The following CEP112 variants were observed in gnomAD, a reference collection of about 807,000 sequenced individuals.
CEP112 encodes centrosomal protein 112.
Under a neutral mutation model 153.0 loss-of-function variants are expected in CEP112, and 127 were observed. The ratio of observed to expected loss-of-function variants is 0.83; its 90% confidence interval spans 0.72 to 0.96. CEP112 has a LOEUF of 0.96. CEP112 is among the 40% of genes least tolerant of loss of function. The probability of loss-of-function intolerance (pLI) is 0.00; values close to 1 mark genes in which losing one functional copy is unlikely to be tolerated. For synonymous variants in CEP112, 358 were observed against 374.4 expected (o/e 0.96, Z 0.51); for missense variants, 1,089 against 1,101.2 (o/e 0.99, Z 0.16).
intron 21 of CEP112, among the ~76,000 whole-genome samples, chr17:65,828,117 A>G (rs1310632791): frequency 6.6e-6 from 1 of 152,242 alleles, no homozygotes; most frequent in Non-Finnish European, 1.5e-5. Flanking sequence ...GCTCACTGCT[A>G]TATCCTAAGT....
intron 4 of CEP112, among the ~76,000 whole-genome samples, chr17:66,141,432 CAT>C (rs2070695882): frequency 6.6e-6 from 1 of 151,976 alleles, no homozygotes. Flanking sequence ...AAATACACAA[CAT>C]GAGATCTACT....
chr17:65,958,561 G>A lies in CEP112; in HGVS notation c.1872+2902C>T, dbSNP rs573890912. ...AATGTTGGAGCAAAGTTAGGGCTGA[G>A]CCTGGGTGCTGTCGCATGCCAGCCC... On this transcript the variant is annotated intron_variant, in intron 18 of 26. Coordinates refer to ENST00000535342, the MANE Select transcript of CEP112 (RefSeq NM_001199165.4). Among the ~76,000 whole-genome samples the A allele has an allele frequency of 1.1e-4, 5 of 45,982 alleles. No homozygotes were observed. The East Asian group carries it at 0.045, about 418-fold the overall frequency. The allele number at this position is 45,982 out of a possible 152,430, so 30.2% of individuals were successfully genotyped here. A position where few individuals can be genotyped will look rare whatever the true frequency, so the allele number is the denominator to read the frequency against.
Position 65,879,005 on chromosome 17 carries a change from A to G in CEP112, c.2163+23147T>C, listed in dbSNP as rs147725287. Among the ~76,000 whole-genome samples the G allele has an allele frequency of 1.4e-4, 22 of 152,308 alleles. No individual in the cohort carries two copies. The East Asian group carries it at 4.1e-3, about 28-fold the overall frequency. On this transcript the variant is annotated intron_variant, in intron 20 of 26. Coordinates refer to ENST00000535342, the MANE Select transcript of CEP112 (RefSeq NM_001199165.4). ...TCTAAATTCCCACTCAGGGAGAGAT[A>G]TATTGGGAGGAGGGACAGAAAAGAA...
intron 24 of CEP112, among the ~76,000 whole-genome samples, chr17:65,663,884 A>C (rs1242285563): frequency 1.3e-5 from 2 of 152,132 alleles, no homozygotes; most frequent in Non-Finnish European, 2.9e-5. Context: ...GTTTCTACCA[A>C]AAATACAAAA....
chr17:65,895,952 T>C (rs2059643905), intron 20 of CEP112, among the ~76,000 whole-genome samples: 1 of 152,116 alleles, frequency 6.6e-6, no homozygotes, highest in South Asian at 2.1e-4. Context: ...TTAAAATCTC[T>C]TCCATATTTA....
intron 21 of CEP112, among the ~76,000 whole-genome samples, chr17:65,784,644 C>A (rs1598575355): frequency 6.6e-6 from 1 of 152,168 alleles, no homozygotes; most frequent in East Asian, 1.9e-4. Context: ...CCATGCCTGG[C>A]AAATTTTTGT....
chr17:66,029,705 A>C (rs2065379991), intron 13 of CEP112, among the ~76,000 whole-genome samples, 164 bp downstream of exon 13: 1 of 53,196 alleles, frequency 1.9e-5, no homozygotes, highest in Non-Finnish European at 4.8e-5. Flanking sequence ...CCTGTCTCTA[A>C]ATAAACAAAC....
At chr17:65,764,065 G>A (rs185442526) in intron 21 of CEP112, among the ~76,000 whole-genome samples, 1 of 152,098 alleles carries the variant, frequency 6.6e-6, no homozygotes, top group Admixed American at 6.6e-5. Context: ...CCCCCTCCTA[G>A]CTCAACCAGG....
At chr17:65,716,502 G>A (rs1041370829) in intron 23 of CEP112, among the ~76,000 whole-genome samples, 1 of 152,096 alleles carries the variant, frequency 6.6e-6, no homozygotes, top group East Asian at 1.9e-4. Flanking sequence ...AAGAGACTGA[G>A]CGGGGAAGGT....
At chr17:66,021,874 A>G (rs1252906710) in intron 16 of CEP112, among the ~76,000 whole-genome samples, 2 of 152,144 alleles carry the variant, frequency 1.3e-5, no homozygotes, top group South Asian at 2.1e-4. Flanking sequence ...AGTACTTCTC[A>G]TGGTTAACAA....
chr17:65,688,810 C>G (rs975459754), intron 24 of CEP112: 1 of 191,374 alleles, frequency 5.2e-6, no homozygotes. Context: ...TCTTGTCACC[C>G]AGGCTGGAGT....
chr17:66,018,996 G>A (rs1487447920), intron 16 of CEP112, among the ~76,000 whole-genome samples: 1 of 152,110 alleles, frequency 6.6e-6, no homozygotes, highest in Non-Finnish European at 1.5e-5. Flanking sequence ...AACAGATGAG[G>A]ACAATTCATC....
chr17:65,996,127 T>C (rs900490882), intron 17 of CEP112, among the ~76,000 whole-genome samples: 4 of 94,692 alleles, frequency 4.2e-5, no homozygotes, highest in African/African-American at 1.6e-4. Context: ...GGGAAAAATA[T>C]ACGTGTGTGT....
chr17:65,649,626 G>A (rs1488671546), intron 24 of CEP112, among the ~76,000 whole-genome samples: 1 of 151,326 alleles, frequency 6.6e-6, no homozygotes, highest in Non-Finnish European at 1.5e-5. Context: ...GTCTGAGGTG[G>A]GAGGGTCACT....
At chr17:66,111,301 T>C (rs977475046) in intron 6 of CEP112, among the ~76,000 whole-genome samples, 10 of 152,172 alleles carry the variant, frequency 6.6e-5, no homozygotes, top group Admixed American at 6.5e-4. Context: ...AGTATGGCCA[T>C]TGCTCAAACA....
chr17:66,164,556 C>CA (rs11317339), intron 4 of CEP112, among the ~76,000 whole-genome samples: 3,641 of 104,496 alleles, frequency 0.035, 85 homozygotes, highest in South Asian at 0.054. Flanking sequence ...AACTCTATCT[C>CA]AAAAAAAAAA....
At chr17:66,114,659 A>G (rs777881968) in intron 6 of CEP112, among the ~76,000 whole-genome samples, 2 of 152,180 alleles carry the variant, frequency 1.3e-5, no homozygotes, top group African/African-American at 2.4e-5. Flanking sequence ...TTTTCCACAG[A>G]AAATTTACAA....
chr17:66,005,547 A>C, intron 17 of CEP112, 143 bp downstream of exon 17: 56 of 987,724 alleles, frequency 5.7e-5, no homozygotes, highest in Non-Finnish European at 7.2e-5. Context: ...TCTTGAAGAT[A>C]GAGATTTGTG....
At chr17:65,961,695 TTTAA>T in intron 17 of CEP112, 97 bp from the exon 18 acceptor site, 1 of 1,155,914 alleles carries the variant, frequency 8.7e-7, no homozygotes, top group Non-Finnish European at 1.2e-6. Context: ...AAATCCAGAT[TTTAA>T]TTTTTTTGAT....
Sources: gnomAD v4.1 joint callset for allele counts (sites outside exome capture counted in the v4.1 genomes callset) on GRCh38, gnomAD v4.1.1 for gene constraint, MANE v1.5 for transcripts, NCBI Gene and HGNC (gene_info 2026-07-23, HGNC 2026-07-21) for gene names.